The following STXBP5L variants were observed in gnomAD, a reference collection of about 807,000 sequenced individuals.
STXBP5L encodes syntaxin binding protein 5L.
A neutral mutation model predicts 144.5 loss-of-function variants in STXBP5L; 65 were observed. That is an observed-to-expected ratio of 0.45 (90% CI 0.37 to 0.55). The LOEUF (loss-of-function observed/expected upper bound fraction) is 0.55. Ranked by LOEUF, STXBP5L falls within the 20% of genes least tolerant of loss-of-function variation. STXBP5L has a pLI of 0.00. For missense variants in STXBP5L, 1,298 were observed against 1,405.5 expected (o/e 0.92, Z 1.22); for synonymous variants, 505 against 469.6 (o/e 1.08, Z -0.97).
chr3:121,311,351 A>G (rs532730732), intron 19 of STXBP5L, among the ~76,000 whole-genome samples: 30 of 152,206 alleles, frequency 2.0e-4, no homozygotes, highest in South Asian at 6.2e-4. Flanking sequence ...CAAATCAAAG[A>G]TTTTGACATA....
chr3:121,049,641 G>A lies in STXBP5L; in HGVS notation c.470+4106G>A, dbSNP rs116794702. On this transcript the variant is annotated intron_variant, in intron 5 of 26. Transcript: ENST00000471454. ...TGTGGTGGTCTCACTAGTGTCCCAGGCCCATGGGTCTTATCCTGCAAGGTG... is the reference window on the plus strand; with the variant it reads ...TGTGGTGGTCTCACTAGTGTCCCAGACCCATGGGTCTTATCCTGCAAGGTG... The A allele has an allele frequency of 3.5e-3, 536 of 154,248 alleles. 3 individuals are homozygous for A. Among genetic ancestry groups the A allele is most frequent in the Admixed American group, 4.9e-3 (75 of 15,270 alleles). 9.6% of individuals were successfully genotyped at this position (154,248 alleles called of 1,614,324 possible).
chr3:121,233,392 T>A (rs2049368416), intron 11 of STXBP5L, among the ~76,000 whole-genome samples: 1 of 152,216 alleles, frequency 6.6e-6, no homozygotes, highest in East Asian at 1.9e-4. Flanking sequence ...ATATTTATAC[T>A]ATGCTACTTT....
At chr3:121,195,825 G>A (rs2047897663) in intron 9 of STXBP5L, among the ~76,000 whole-genome samples, 1 of 152,212 alleles carries the variant, frequency 6.6e-6, no homozygotes, top group Non-Finnish European at 1.5e-5. Flanking sequence ...CTGCAGGGAA[G>A]AGAAGGAGAC....
At chr3:121,065,577 A>T (rs980657814) in intron 5 of STXBP5L, among the ~76,000 whole-genome samples, 1 of 152,136 alleles carries the variant, frequency 6.6e-6, no homozygotes, top group African/African-American at 2.4e-5. Flanking sequence ...AAAAAGTTTT[A>T]AAAATGTTTT....
intron 5 of STXBP5L, among the ~76,000 whole-genome samples, chr3:121,080,132 T>G (rs1452203459): frequency 6.6e-6 from 1 of 152,218 alleles, no homozygotes; most frequent in Non-Finnish European, 1.5e-5. Context: ...TTGTCTGATA[T>G]AAGAATAGCT....
At chr3:120,929,649 T>C (rs1255528796) in intron 2 of STXBP5L, among the ~76,000 whole-genome samples, 1 of 152,186 alleles carries the variant, frequency 6.6e-6, no homozygotes, top group East Asian at 1.9e-4. Context: ...ATGAAATTTC[T>C]AGTTGTAAAA....
chr3:121,043,667 C>G (rs1329732907), intron 4 of STXBP5L, among the ~76,000 whole-genome samples: 2 of 152,104 alleles, frequency 1.3e-5, no homozygotes, highest in African/African-American at 4.8e-5. Context: ...TAAGATCGCA[C>G]CACTGCACTC....
intron 18 of STXBP5L, among the ~76,000 whole-genome samples, chr3:121,268,554 TAAA>T (rs1370633609): frequency 6.6e-6 from 1 of 151,724 alleles, no homozygotes; most frequent in Non-Finnish European, 1.5e-5. Context: ...TAAAGTATAA[TAAA>T]AAAAGAATAA....
chr3:121,230,888 G>A (rs867628355), intron 11 of STXBP5L, among the ~76,000 whole-genome samples: 2 of 152,100 alleles, frequency 1.3e-5, no homozygotes, highest in African/African-American at 2.4e-5. Context: ...CAAAGTAGTC[G>A]GGCGGACCGG....
At chr3:121,031,861 T>G (rs1330707989) in intron 3 of STXBP5L, among the ~76,000 whole-genome samples, 1 of 152,060 alleles carries the variant, frequency 6.6e-6, no homozygotes, top group African/African-American at 2.4e-5. Context: ...ACTAACATAA[T>G]ATGCTGAATT....
intron 2 of STXBP5L, among the ~76,000 whole-genome samples, chr3:120,944,850 T>C (rs1490517761): frequency 6.6e-6 from 1 of 151,844 alleles, no homozygotes; most frequent in Non-Finnish European, 1.5e-5. Flanking sequence ...AGCAGGAAAT[T>C]ATTCAGCAAT....
intron 9 of STXBP5L, among the ~76,000 whole-genome samples, chr3:121,181,078 C>A (rs1282061404): frequency 7.6e-6 from 1 of 131,012 alleles, no homozygotes. Flanking sequence ...CCAGCCTGGG[C>A]AACAAGAGTG....
rs1018870296 is a variant in STXBP5L, at chr3:121,411,187, G to A, written c.2949-1971G>A. Among the ~76,000 whole-genome samples, 7 of 152,032 alleles carry A rather than the reference G, an allele frequency of 4.6e-5. 1 individual carries two copies. Among genetic ancestry groups the A allele is most frequent in the African/African-American group, 1.2e-4 (5 of 41,402 alleles). ...GTTTACAGCACATCTCAATTCAGAC[G>A]AGCCACGTATCAACTGCTCAATAGC... On this transcript the variant is annotated intron_variant, in intron 23 of 26. Transcript: ENST00000471454.
At chr3:121,258,512 A>G (rs1437257970) in intron 17 of STXBP5L, among the ~76,000 whole-genome samples, 2 of 152,340 alleles carry the variant, frequency 1.3e-5, no homozygotes, top group Non-Finnish European at 2.9e-5. Flanking sequence ...CTACAAAGAG[A>G]AAACATCATC....
intron 22 of STXBP5L, among the ~76,000 whole-genome samples, chr3:121,391,782 C>T (rs1328887107): frequency 6.6e-6 from 1 of 152,122 alleles, no homozygotes; most frequent in Non-Finnish European, 1.5e-5. Flanking sequence ...GAAGCTTCGT[C>T]CCAGAGGGGC....
At chr3:121,369,061 G>A (rs900979901) in intron 20 of STXBP5L, among the ~76,000 whole-genome samples, 1 of 152,136 alleles carries the variant, frequency 6.6e-6, no homozygotes, top group Non-Finnish European at 1.5e-5. Flanking sequence ...GGGTTTTGTT[G>A]GTCCACCCTG....
intron 3 of STXBP5L, among the ~76,000 whole-genome samples, chr3:120,977,058 G>A (rs1276143678): frequency 2.0e-5 from 3 of 152,170 alleles, no homozygotes; most frequent in African/African-American, 7.2e-5. Context: ...ATGTCTATTA[G>A]GTCCACTTGG....
At chr3:121,119,656 T>C (rs1044813701) in intron 6 of STXBP5L, among the ~76,000 whole-genome samples, 3 of 151,388 alleles carry the variant, frequency 2.0e-5, no homozygotes, top group Non-Finnish European at 3.0e-5. Context: ...TATTTTTAGG[T>C]CAATTTCTCA....
At chr3:121,310,808 C>A (rs1424241656) in intron 19 of STXBP5L, among the ~76,000 whole-genome samples, 1 of 151,956 alleles carries the variant, frequency 6.6e-6, no homozygotes, top group African/African-American at 2.4e-5. Context: ...ACTTGGGAGG[C>A]TGAAGCAGGA....
Sources: gnomAD v4.1 joint callset for allele counts (sites outside exome capture counted in the v4.1 genomes callset) on GRCh38, gnomAD v4.1.1 for gene constraint, MANE v1.5 for transcripts, NCBI Gene and HGNC (gene_info 2026-07-23, HGNC 2026-07-21) for gene names.